NRG3: variants seen among roughly 807,000 people sequenced by gnomAD.
NRG3 encodes the protein neuregulin 3, also known as pro-neuregulin-3, membrane-bound isoform.
NRG3 carries 31 observed loss-of-function variants against 66.9 expected under a neutral mutation model. The observed-to-expected ratio is 0.46, with a 90% CI of 0.35 to 0.63. The LOEUF (loss-of-function observed/expected upper bound fraction) is 0.63, where lower values mean the gene tolerates loss of function less well. Among genes scored for constraint, NRG3 ranks in the 20% least tolerant of loss-of-function variants. NRG3 has a pLI of 0.00. For missense variants in NRG3, 910 were observed against 878.9 expected (o/e 1.04, Z -0.45); for synonymous variants, 393 against 359.4 (o/e 1.09, Z -1.06).
At chr10:82,009,863 C>A (rs1307669426) in intron 1 of NRG3, among the ~76,000 whole-genome samples, 1 of 152,162 alleles carries the variant, frequency 6.6e-6, no homozygotes, top group Non-Finnish European at 1.5e-5. Context: ...TATAGAGGGC[C>A]AGAGACACAG....
At chr10:82,206,415 A>G (rs1168185122) in intron 1 of NRG3, among the ~76,000 whole-genome samples, 1 of 152,210 alleles carries the variant, frequency 6.6e-6, no homozygotes, top group Non-Finnish European at 1.5e-5. Flanking sequence ...AGACTTGGGC[A>G]GTAGCAGGCA....
intron 2 of NRG3, among the ~76,000 whole-genome samples, chr10:82,570,177 T>C (rs572142226): frequency 4.6e-5 from 7 of 151,684 alleles, no homozygotes; most frequent in Non-Finnish European, 1.0e-4. Context: ...CTATACTGAA[T>C]CTTTTCAAAA....
At chr10:82,518,356 T>C (rs749801645) in intron 2 of NRG3, among the ~76,000 whole-genome samples, 5 of 152,144 alleles carry the variant, frequency 3.3e-5, no homozygotes, top group Non-Finnish European at 7.3e-5. Flanking sequence ...TCATCTACCA[T>C]GTGTCAGAGG....
At chr10:82,538,434 A>G (rs574205021) in intron 2 of NRG3, among the ~76,000 whole-genome samples, 32 of 152,334 alleles carry the variant, frequency 2.1e-4, no homozygotes, top group African/African-American at 7.5e-4. Context: ...CAACTCAGTA[A>G]TTAAGACCAG....
At chr10:82,219,929 A>G (rs916952899) in intron 1 of NRG3, among the ~76,000 whole-genome samples, 7 of 152,138 alleles carry the variant, frequency 4.6e-5, no homozygotes, top group Non-Finnish European at 2.9e-5. Context: ...ACAATAAGAT[A>G]TACATACACA....
intron 1 of NRG3, among the ~76,000 whole-genome samples, chr10:82,317,855 G>T (rs770046274): frequency 6.6e-6 from 1 of 152,132 alleles, no homozygotes; most frequent in Non-Finnish European, 1.5e-5. Flanking sequence ...GAAAGGGCAG[G>T]ATATTGAGAA....
chr10:82,453,713 T>C (rs1274080375), intron 2 of NRG3, among the ~76,000 whole-genome samples: 3 of 151,994 alleles, frequency 2.0e-5, no homozygotes, highest in African/African-American at 7.2e-5. Context: ...TTTGAACTTA[T>C]CTGTACATTA....
chr10:82,895,318 C>A (rs2131831382), intron 4 of NRG3, among the ~76,000 whole-genome samples: 1 of 152,276 alleles, frequency 6.6e-6, no homozygotes, highest in African/African-American at 2.4e-5. Flanking sequence ...GCATCCAATA[C>A]ACCTTTGTCA....
chr10:82,469,956 G>A (rs1322237982), intron 2 of NRG3, among the ~76,000 whole-genome samples: 4 of 152,096 alleles, frequency 2.6e-5, no homozygotes, highest in African/African-American at 9.7e-5. Context: ...CAAGCTAATC[G>A]CTTTCATCCC....
At chr10:82,063,071 C>T (rs2064250496) in intron 1 of NRG3, among the ~76,000 whole-genome samples, 1 of 152,212 alleles carries the variant, frequency 6.6e-6, no homozygotes, top group Non-Finnish European at 1.5e-5. Context: ...AAGTCACTCA[C>T]TCAACATTGT....
At chr10:82,375,645 T>C (rs537527683) in intron 2 of NRG3, among the ~76,000 whole-genome samples, 67 of 152,200 alleles carry the variant, frequency 4.4e-4, no homozygotes, top group Non-Finnish European at 8.1e-4. Context: ...ACATGGACTT[T>C]TCAAAGGGAC....
intron 3 of NRG3, among the ~76,000 whole-genome samples, chr10:82,828,033 C>T (rs927931384): frequency 6.6e-6 from 1 of 151,684 alleles, no homozygotes; most frequent in Non-Finnish European, 1.5e-5. Context: ...AAGGGATATC[C>T]CCAAATGACA....
At chr10:82,554,485 G>C (rs2132931364) in intron 2 of NRG3, among the ~76,000 whole-genome samples, 1 of 152,260 alleles carries the variant, frequency 6.6e-6, no homozygotes, top group South Asian at 2.1e-4. Context: ...TGACTTCATA[G>C]TTTAAACTGG....
At chr10:82,639,881 C>T (rs1175915794) in intron 2 of NRG3, among the ~76,000 whole-genome samples, 1 of 152,066 alleles carries the variant, frequency 6.6e-6, no homozygotes, top group Non-Finnish European at 1.5e-5. Flanking sequence ...GGTATTAAGC[C>T]TATACCCATT....
intron 1 of NRG3, among the ~76,000 whole-genome samples, chr10:81,933,743 G>C (rs1172790047): frequency 6.6e-6 from 1 of 152,132 alleles, no homozygotes; most frequent in African/African-American, 2.4e-5. Flanking sequence ...GGTTATTAAA[G>C]GTAAGCTAAC....
intron 1 of NRG3, among the ~76,000 whole-genome samples, chr10:81,938,618 AGTGTGTGT>A (rs373196547): frequency 6.9e-5 from 10 of 144,194 alleles, no homozygotes; most frequent in Non-Finnish European, 1.4e-4. Context: ...GAGTTCTGAC[AGTGTGTGT>A]GTGTGTGTGT....
chr10:82,315,187 G>A (rs926547471), intron 1 of NRG3, among the ~76,000 whole-genome samples: 1 of 152,162 alleles, frequency 6.6e-6, no homozygotes, highest in Admixed American at 6.5e-5. Flanking sequence ...GAAAGGCAGT[G>A]CAAGGTCTGT....
At chr10:82,922,260 C>T (rs73311353) in intron 4 of NRG3, among the ~76,000 whole-genome samples, 79 of 152,080 alleles carry the variant, frequency 5.2e-4, no homozygotes, top group African/African-American at 1.9e-3. Flanking sequence ...TATTTTACTC[C>T]TCATCGGGCA....
At chr10:82,567,968 G>A (rs546618233) in intron 2 of NRG3, among the ~76,000 whole-genome samples, 1 of 151,992 alleles carries the variant, frequency 6.6e-6, no homozygotes, top group South Asian at 2.1e-4. Flanking sequence ...TGGACATCCT[G>A]GAGTGAGACA....
Sources: gnomAD v4.1 joint callset for allele counts (sites outside exome capture counted in the v4.1 genomes callset) on GRCh38, gnomAD v4.1.1 for gene constraint, MANE v1.5 for transcripts, NCBI Gene and HGNC (gene_info 2026-07-23, HGNC 2026-07-21) for gene names.